Variants in CDC14A observed in about 807,000 individuals in gnomAD.
CDC14A encodes the protein dual specificity protein phosphatase CDC14A.
Under a neutral mutation model 74.4 loss-of-function variants are expected in CDC14A, and 53 were observed. The observed-to-expected ratio is 0.71, with a 90% CI of 0.57 to 0.89. The LOEUF is 0.89. Among genes scored for constraint, CDC14A ranks in the 40% least tolerant of loss-of-function variants. CDC14A has a pLI of 0.00. For missense variants in CDC14A, 646 were observed against 713.7 expected, an observed-to-expected ratio of 0.91 and a Z score of 1.08; for synonymous variants, 247 against 258.4, an observed-to-expected ratio of 0.96 and a Z score of 0.43.
rs925002588 is a variant in CDC14A at position 100,369,872 on chromosome 1, A to G, written c.141-7674A>G. 6.6e-5 allele frequency among the ~76,000 whole-genome samples: 10 copies of G among 151,042 alleles called. No homozygotes were observed. The South Asian group carries it at 2.1e-3, about 32-fold the overall frequency. ...GACACCTAAGTTGGAGTGCTGTGGC[A>G]TAATCATGGCTAACTGCAGCCTTGA... On this transcript the variant is annotated intron_variant, in intron 2 of 15. Coordinates refer to ENST00000336454, the MANE Select transcript of CDC14A (RefSeq NM_003672.4).
At chr1:100,438,280 A>G (rs1348363434) in intron 5 of CDC14A, among the ~76,000 whole-genome samples, 2 of 146,428 alleles carry the variant, frequency 1.4e-5, no homozygotes, top group East Asian at 3.9e-4. Context: ...TTTAAACTTT[A>G]TTTAAATGTA....
intron 11 of CDC14A, among the ~76,000 whole-genome samples, chr1:100,492,133 T>G (rs1409539079): frequency 6.6e-6 from 1 of 152,210 alleles, no homozygotes; most frequent in East Asian, 1.9e-4. Flanking sequence ...ATATTTGACC[T>G]TTAAGATTCA....
Position 100,353,742 on chromosome 1 carries a change from C to G in CDC14A, c.50-20C>G. The G allele has an allele frequency of 7.3e-7, 1 of 1,368,084 alleles. No homozygotes were observed. 84.7% of individuals were successfully genotyped at this position (1,368,084 alleles called of 1,614,324 possible). A position where few individuals can be genotyped will look rare whatever the true frequency, so the allele number is the denominator to read the frequency against. ...TCTACTTCTCATATGTTTTTTCTGT[C>G]TTTTAAACTTGTCTTTCAGATCGGT... On this transcript the variant is annotated intron_variant, in intron 1 of 15. Coordinates refer to ENST00000336454, the MANE Select transcript of CDC14A (RefSeq NM_003672.4).
At chr1:100,497,357 A>G (rs1203587206) in intron 13 of CDC14A, among the ~76,000 whole-genome samples, 1 of 152,234 alleles carries the variant, frequency 6.6e-6, no homozygotes, top group Admixed American at 6.5e-5. Context: ...AGGCATTCTT[A>G]TGTAGCTGGA....
intron 4 of CDC14A, among the ~76,000 whole-genome samples, chr1:100,420,082 A>ATATATAGT (rs58124351): frequency 4.7e-5 from 5 of 105,524 alleles, no homozygotes; most frequent in Admixed American, 2.9e-4. Context: ...ATATATATAT[A>ATATATAGT]GTGTGTATGT....
chr1:100,432,023 A>G (rs1273302262), intron 5 of CDC14A, among the ~76,000 whole-genome samples: 1 of 152,104 alleles, frequency 6.6e-6, no homozygotes, highest in Admixed American at 6.5e-5. Flanking sequence ...ATTTTCATGT[A>G]TCTCTGTTTC....
In CDC14A at chr1:100,352,767, A is replaced by C; in HGVS notation, c.-188A>C. On this transcript the variant is annotated 5_prime_UTR_variant, in exon 1 of 16. It removes an upstream start codon present in the reference 5' UTR. Coordinates refer to ENST00000336454, the MANE Select transcript of CDC14A (RefSeq NM_003672.4). ...GGAGCGAGCTCGGGTTCCCCTCGGAATGTCCCCGGGGCGCCCGGCGCGCTG... is the reference window on the plus strand; with the variant it reads ...GGAGCGAGCTCGGGTTCCCCTCGGACTGTCCCCGGGGCGCCCGGCGCGCTG... The C allele has an allele frequency of 2.8e-6, 4 of 1,409,722 alleles. No homozygotes were observed. The highest frequency in any genetic ancestry group is 2.8e-6 in the Non-Finnish European group (3 of 1,087,764). 87.3% of individuals were successfully genotyped at this position (1,409,722 alleles called of 1,614,324 possible). A position where few individuals can be genotyped will look rare whatever the true frequency, so the allele number is the denominator to read the frequency against.
Position 100,518,499 on chromosome 1 carries a change from C to T in CDC14A, c.*219C>T. 1 of 470,242 alleles carries T rather than the reference C, an allele frequency of 2.1e-6. No homozygotes were observed. The highest frequency in any genetic ancestry group is 3.8e-6 in the Non-Finnish European group (1 of 260,698). 29.1% of individuals were successfully genotyped at this position (470,242 alleles called of 1,614,324 possible). On this transcript the variant is annotated 3_prime_UTR_variant, in exon 16 of 16. Transcript: ENST00000336454. Reference sequence around the variant, plus strand: ...CTGAAACTATGTTTATGGAGATTTCCATACTTTTAAAGACAGTTTTAATGT... The same window carrying T: ...CTGAAACTATGTTTATGGAGATTTCTATACTTTTAAAGACAGTTTTAATGT...
chr1:100,463,180 C>T (rs1667480838), intron 9 of CDC14A, among the ~76,000 whole-genome samples: 1 of 152,176 alleles, frequency 6.6e-6, no homozygotes, highest in South Asian at 2.1e-4. Flanking sequence ...GCTGCAGGAA[C>T]ACCTTTAAAC....
chr1:100,458,329 G>C (rs1666937516), intron 8 of CDC14A, among the ~76,000 whole-genome samples: 3 of 152,086 alleles, frequency 2.0e-5, no homozygotes, highest in South Asian at 2.1e-4. Context: ...GTAATATAAA[G>C]AGTAAAACTC....
chr1:100,502,787 C>T (rs894950346), intron 15 of CDC14A, among the ~76,000 whole-genome samples: 3 of 152,118 alleles, frequency 2.0e-5, no homozygotes, highest in Non-Finnish European at 4.4e-5. Flanking sequence ...ATTTGGGTCT[C>T]GTTCCGTATT....
chr1:100,517,477 T>G (rs1282018098), intron 15 of CDC14A, among the ~76,000 whole-genome samples: 1 of 152,234 alleles, frequency 6.6e-6, no homozygotes, highest in African/African-American at 2.4e-5. Flanking sequence ...AATCACTGTT[T>G]CCTGCTAAAA....
intron 3 of CDC14A, among the ~76,000 whole-genome samples, chr1:100,381,573 C>T (rs1205414535): frequency 6.6e-6 from 1 of 151,952 alleles, no homozygotes; most frequent in Non-Finnish European, 1.5e-5. Flanking sequence ...TATTCCAATC[C>T]CAAATTTCTC....
intron 2 of CDC14A, among the ~76,000 whole-genome samples, chr1:100,369,078 C>T (rs1239950169): frequency 2.1e-5 from 3 of 142,828 alleles, no homozygotes; most frequent in African/African-American, 8.2e-5. Flanking sequence ...TGTTTTTTGA[C>T]ATTTTTTTTT....
At chr1:100,492,336 G>A (rs1353598351) in intron 11 of CDC14A, among the ~76,000 whole-genome samples, 2 of 152,142 alleles carry the variant, frequency 1.3e-5, no homozygotes, top group Non-Finnish European at 2.9e-5. Flanking sequence ...TCACCTTTCT[G>A]TATCTCTGGA....
intron 11 of CDC14A, among the ~76,000 whole-genome samples, chr1:100,491,548 C>CTCTCTATATATA (rs1223420176): frequency 3.6e-4 from 14 of 38,756 alleles, no homozygotes; most frequent in Non-Finnish European, 5.5e-4. Context: ...CTCTCTCTCT[C>CTCTCTATATATA]TATATATATA....
At chr1:100,410,837 T>A (rs996661091) in intron 4 of CDC14A, among the ~76,000 whole-genome samples, 3 of 152,224 alleles carry the variant, frequency 2.0e-5, no homozygotes, top group Non-Finnish European at 4.4e-5. Flanking sequence ...TAATTCAATT[T>A]AAAAAATTTT....
At chr1:100,518,194 G>A in intron 15 of CDC14A, 57 bp from the exon 16 acceptor site, 1 of 1,375,476 alleles carries the variant, frequency 7.3e-7, no homozygotes, top group Admixed American at 1.7e-5. Context: ...TGCATGACTT[G>A]CTAGAAGTTT....
chr1:100,498,630 C>G (rs1648237173), intron 14 of CDC14A, among the ~76,000 whole-genome samples: 2 of 152,148 alleles, frequency 1.3e-5, no homozygotes, highest in Admixed American at 1.3e-4. Context: ...CTTCCCACCC[C>G]AGGGTAAATA....
Sources: allele counts gnomAD v4.1 joint callset (sites outside exome capture counted in the v4.1 genomes callset), GRCh38; gene constraint gnomAD v4.1.1; transcripts MANE v1.5; gene names NCBI Gene and HGNC (gene_info 2026-07-23, HGNC 2026-07-21).